The following TSHZ3 variants were observed in gnomAD, a reference collection of about 807,000 sequenced individuals.
TSHZ3 encodes the protein teashirt homolog 3.
A neutral mutation model predicts 64.5 loss-of-function variants in TSHZ3; 10 were observed. The observed-to-expected ratio is 0.16, with a 90% CI of 0.10 to 0.26. The LOEUF (loss-of-function observed/expected upper bound fraction) is 0.26, where lower values mean the gene tolerates loss of function less well. Ranked by LOEUF, TSHZ3 falls within the 10% of genes least tolerant of loss-of-function variation. TSHZ3 has a pLI of 1.00. For missense variants in TSHZ3, 1,242 were observed against 1,421.7 expected (o/e 0.87, Z 2.03); for synonymous variants, 608 against 593.1 (o/e 1.03, Z -0.36).
At chr19:31,324,055 C>T (rs76403544) in intron 1 of TSHZ3, among the ~76,000 whole-genome samples, 6 of 152,200 alleles carry the variant, frequency 3.9e-5, no homozygotes, top group Non-Finnish European at 5.9e-5. Flanking sequence ...AAAACGTCTC[C>T]GCAGCACCCA....
At chr19:31,189,814 C>T (rs570797085) in intron 5 of TSHZ3, among the ~76,000 whole-genome samples, 1 of 152,060 alleles carries the variant, frequency 6.6e-6, no homozygotes, top group African/African-American at 2.4e-5. Context: ...ATTGGAATCT[C>T]CAGCCATAAC....
chr19:31,319,381 T>C (rs990045307), intron 1 of TSHZ3, among the ~76,000 whole-genome samples: 4 of 152,238 alleles, frequency 2.6e-5, no homozygotes, highest in Non-Finnish European at 5.9e-5. Flanking sequence ...AAAGGTTTCA[T>C]CAGTAATTTT....
chr19:31,229,292 G>A (rs1271947814), intron 3 of TSHZ3, among the ~76,000 whole-genome samples: 1 of 152,100 alleles, frequency 6.6e-6, no homozygotes, highest in Admixed American at 6.6e-5. Flanking sequence ...CATTTGCAAG[G>A]ACATTAAGAT....
intron 1 of TSHZ3, among the ~76,000 whole-genome samples, chr19:31,328,592 G>C (rs1470804954): frequency 6.6e-6 from 1 of 152,230 alleles, no homozygotes; most frequent in African/African-American, 2.4e-5. Context: ...CTTATTCAAG[G>C]AATGGCGGGT....
intron 6 of TSHZ3, among the ~76,000 whole-genome samples, chr19:31,153,998 C>T (rs1974271779): frequency 6.6e-6 from 1 of 152,224 alleles, no homozygotes; most frequent in African/African-American, 2.4e-5. Context: ...AGGAGACTGA[C>T]TTTGGCCAAT....
chr19:31,263,583 T>G (rs376945794), intron 1 of TSHZ3, among the ~76,000 whole-genome samples: 58 of 152,278 alleles, frequency 3.8e-4, no homozygotes, highest in African/African-American at 1.3e-3. Context: ...AGGGACTTCC[T>G]GCATGGGGCC....
At chr19:31,234,981 A>G (rs1375237144) in intron 3 of TSHZ3, among the ~76,000 whole-genome samples, 2 of 152,224 alleles carry the variant, frequency 1.3e-5, no homozygotes, top group African/African-American at 4.8e-5. Context: ...AACTCATCAC[A>G]ACACCGAATT....
intron 1 of TSHZ3, among the ~76,000 whole-genome samples, chr19:31,320,242 A>G (rs1471325194): frequency 6.6e-6 from 1 of 152,170 alleles, no homozygotes; most frequent in Non-Finnish European, 1.5e-5. Flanking sequence ...GACCCTGGAC[A>G]TGAATGCGTG....
At chr19:31,285,466 T>G (rs1599625527) in intron 1 of TSHZ3, among the ~76,000 whole-genome samples, 1 of 124,048 alleles carries the variant, frequency 8.1e-6, no homozygotes, top group African/African-American at 3.5e-5. Flanking sequence ...GGTGACAGAG[T>G]GATTCTGTCT....
intron 5 of TSHZ3, among the ~76,000 whole-genome samples, chr19:31,179,779 ATGG>A (rs1471234401): frequency 1.4e-5 from 2 of 144,256 alleles, no homozygotes; most frequent in African/African-American, 2.6e-5. Flanking sequence ...GGTGATGATA[ATGG>A]TGGTGATGGT....
At chr19:31,312,002 G>C (rs970473476) in intron 1 of TSHZ3, among the ~76,000 whole-genome samples, 5 of 152,200 alleles carry the variant, frequency 3.3e-5, no homozygotes, top group African/African-American at 1.2e-4. Flanking sequence ...CGGATTACAG[G>C]TGTGAGCCAC....
At chr19:31,242,219 G>A (rs1462900061) in intron 3 of TSHZ3, among the ~76,000 whole-genome samples, 1 of 152,110 alleles carries the variant, frequency 6.6e-6, no homozygotes, top group Admixed American at 6.5e-5. Flanking sequence ...GAACCAATAG[G>A]ATGCATAGAT....
chr19:31,316,259 T>C (rs1916599993), intron 1 of TSHZ3, among the ~76,000 whole-genome samples: 2 of 152,164 alleles, frequency 1.3e-5, no homozygotes, highest in Admixed American at 1.3e-4. Context: ...CAGGGGGAAA[T>C]CTGCCTAAAT....
intron 5 of TSHZ3, among the ~76,000 whole-genome samples, chr19:31,175,030 C>G (rs899273024): frequency 6.6e-6 from 1 of 152,194 alleles, no homozygotes; most frequent in African/African-American, 2.4e-5. Flanking sequence ...GGGTCCCAGG[C>G]TGGGCTTTCC....
intron 4 of TSHZ3, among the ~76,000 whole-genome samples, chr19:31,206,018 T>C (rs1393784359): frequency 6.6e-6 from 1 of 151,928 alleles, no homozygotes; most frequent in East Asian, 1.9e-4. Flanking sequence ...CATGCATAGA[T>C]GAATGGATGG....
chr19:31,163,338 T>C (rs10518273), intron 5 of TSHZ3, among the ~76,000 whole-genome samples: 3,788 of 152,270 alleles, frequency 0.025, 175 homozygotes, highest in African/African-American at 0.086. Flanking sequence ...TAAAGGGCCT[T>C]GAATGCCAAT....
downstream of TSHZ3, among the ~76,000 whole-genome samples, chr19:31,272,855 A>G (rs1431182103): frequency 6.6e-6 from 1 of 152,056 alleles, no homozygotes; most frequent in South Asian, 2.1e-4. Context: ...GGTCAGGGTC[A>G]CCCGCGCACC....
chr19:31,190,726 G>A (rs772346390), intron 5 of TSHZ3, among the ~76,000 whole-genome samples: 3 of 151,954 alleles, frequency 2.0e-5, no homozygotes, highest in African/African-American at 4.8e-5. Flanking sequence ...TGTAGAAATC[G>A]ACTCTGAAAT....
intron 5 of TSHZ3, among the ~76,000 whole-genome samples, chr19:31,177,634 A>G (rs1486085100): frequency 6.6e-6 from 1 of 152,244 alleles, no homozygotes; most frequent in Non-Finnish European, 1.5e-5. Context: ...AGCATCCCTC[A>G]CTTAAATCCC....
Sources: gnomAD v4.1 joint callset for allele counts (sites outside exome capture counted in the v4.1 genomes callset) on GRCh38, gnomAD v4.1.1 for gene constraint, MANE v1.5 for transcripts, NCBI Gene and HGNC (gene_info 2026-07-23, HGNC 2026-07-21) for gene names.